Variants in AKNAD1 observed in about 807,000 individuals in gnomAD.
AKNAD1 encodes AKNA domain containing 1.
A neutral mutation model predicts 90.8 loss-of-function variants in AKNAD1; 67 were observed. That is an observed-to-expected ratio of 0.74 (90% CI 0.61 to 0.90). AKNAD1 has a LOEUF of 0.90. Ranked by LOEUF, AKNAD1 falls within the 40% of genes least tolerant of loss-of-function variation. AKNAD1 has a pLI of 0.00. For synonymous variants in AKNAD1, 327 were observed against 341.4 expected (o/e 0.96, Z 0.46); for missense variants, 957 against 975.4 (o/e 0.98, Z 0.25).
chr1:108,817,347 GCTTC>G (rs1300183818), intron 14 of AKNAD1, 170 bp from the exon 15 acceptor site: 1 of 719,324 alleles, frequency 1.4e-6, no homozygotes. Flanking sequence ...CCGCAGCTGG[GCTTC>G]AGAAAATGGT....
intron 13 of AKNAD1, among the ~76,000 whole-genome samples, chr1:108,822,185 C>G (rs1663837455): frequency 6.6e-6 from 1 of 152,188 alleles, no homozygotes; most frequent in Admixed American, 6.5e-5. Flanking sequence ...GTGTACAGAT[C>G]TACAGCTTCC....
chr1:108,835,174 C>A, intron 7 of AKNAD1, 118 bp from the exon 8 acceptor site: 1 of 1,172,228 alleles, frequency 8.5e-7, no homozygotes, highest in Non-Finnish European at 1.2e-6. Flanking sequence ...GCCTGGCGTC[C>A]CCCCACCCCT....
chr1:108,848,743 A>C lies in AKNAD1; in HGVS notation c.1245+9T>G. 6.2e-7 allele frequency: 1 copy of C among 1,602,236 alleles called. No homozygotes were observed. Among genetic ancestry groups the C allele is most frequent in the Non-Finnish European group, 8.5e-7 (1 of 1,176,896 alleles). On this transcript the variant is annotated intron_variant, in intron 5 of 15. Transcript: ENST00000370001. ...ATCAAGATTTTAAAAACGGGATAAA[A>C]TTCATTACCAGCTTCTTGTCTTGCA...
At chr1:108,826,269 G>T (rs1663993227) in intron 11 of AKNAD1, among the ~76,000 whole-genome samples, 1 of 151,698 alleles carries the variant, frequency 6.6e-6, no homozygotes, top group South Asian at 2.1e-4. Flanking sequence ...GAAAGCCTGG[G>T]TAGCTCTCCA....
chr1:108,827,331 AC>A (rs1354760617), intron 10 of AKNAD1, 29 bp from the exon 11 acceptor site: 3 of 1,504,582 alleles, frequency 2.0e-6, no homozygotes, highest in Non-Finnish European at 2.8e-6. Context: ...GATCCTGTAA[AC>A]TTTTAGTGCA....
intron 2 of AKNAD1, among the ~76,000 whole-genome samples, chr1:108,850,582 A>AG (rs1312892478): frequency 6.6e-6 from 1 of 152,080 alleles, no homozygotes; most frequent in East Asian, 1.9e-4. Flanking sequence ...CAAACTCCCC[A>AG]GGCATTCAGT....
At chr1:108,838,517 G>A (rs1664448780) in intron 6 of AKNAD1, among the ~76,000 whole-genome samples, 1 of 151,920 alleles carries the variant, frequency 6.6e-6, no homozygotes, top group African/African-American at 2.4e-5. Context: ...ATTATTGGGG[G>A]AAAAAATCAA....
At chr1:108,819,455 CAA>C (rs34501326) in intron 14 of AKNAD1, among the ~76,000 whole-genome samples, 13 of 130,306 alleles carry the variant, frequency 1.0e-4, no homozygotes, top group Admixed American at 1.5e-4. Flanking sequence ...CCATCTCTAC[CAA>C]AAAAAAAAAA....
In AKNAD1 at chr1:108,834,439, G is replaced by A. The variant is rs1427450997; in HGVS notation, c.1746+8C>T. On this transcript the variant is annotated splice_region_variant and intron_variant, in intron 9 of 15. Coordinates refer to ENST00000370001, the MANE Select transcript of AKNAD1 (RefSeq NM_152763.5). Reference sequence around the variant, plus strand: ...GAACCCAGCCAGGCCCCGGCTGCAGGACATTACCCCAGAGTTAGAAGACAG... The same window carrying A: ...GAACCCAGCCAGGCCCCGGCTGCAGAACATTACCCCAGAGTTAGAAGACAG... 1.9e-6 allele frequency: 3 copies of A among 1,604,478 alleles called. No homozygotes were observed. Among genetic ancestry groups the A allele is most frequent in the Non-Finnish European group, 1.7e-6 (2 of 1,175,244 alleles).
chr1:108,854,714 T>C (rs1188073123), intron 1 of AKNAD1, among the ~76,000 whole-genome samples: 2 of 152,202 alleles, frequency 1.3e-5, no homozygotes, highest in African/African-American at 2.4e-5. Flanking sequence ...AAGTGAGGCA[T>C]GTCTTCATGA....
At chr1:108,853,136 C>CTTTTTTTTTTTT (rs889504364) in intron 1 of AKNAD1, among the ~76,000 whole-genome samples, 12 of 133,538 alleles carry the variant, frequency 9.0e-5, no homozygotes, top group East Asian at 2.1e-4. Context: ...TTTCTTTTTT[C>CTTTTTTTTTTTT]TTTTTTTTTT....
intron 5 of AKNAD1, among the ~76,000 whole-genome samples, chr1:108,847,125 C>T (rs2101209482): frequency 6.6e-6 from 1 of 152,230 alleles, no homozygotes; most frequent in South Asian, 2.1e-4. Flanking sequence ...GCCTTGCCCC[C>T]ATGGTGCTTC....
intron 3 of AKNAD1, 85 bp from the exon 4 acceptor site, chr1:108,849,145 A>C (rs1285481824): frequency 1.7e-6 from 2 of 1,180,892 alleles, no homozygotes; most frequent in Non-Finnish European, 1.2e-6. Context: ...AAGCTGTTGC[A>C]GTCACCACCA....
intron 13 of AKNAD1, among the ~76,000 whole-genome samples, chr1:108,822,560 T>C (rs1190182096): frequency 6.6e-6 from 1 of 151,822 alleles, no homozygotes; most frequent in Non-Finnish European, 1.5e-5. Context: ...ACAGCTGAGG[T>C]CAGTCAGGTA....
At chr1:108,850,644 G>A (rs201424810) in intron 2 of AKNAD1, among the ~76,000 whole-genome samples, 11 of 89,312 alleles carry the variant, frequency 1.2e-4, no homozygotes, top group African/African-American at 2.5e-4. Context: ...TTAAAAAAAA[G>A]AGAGAGAGAG....
chr1:108,821,817 C>T (rs1258691310), intron 13 of AKNAD1, among the ~76,000 whole-genome samples: 1 of 146,602 alleles, frequency 6.8e-6, no homozygotes, highest in Non-Finnish European at 1.5e-5. Context: ...TCTCTGTCAC[C>T]AAGGCTCCCT....
rs372767070 is a variant in AKNAD1, at chr1:108,817,073, T to C, written c.2354A>G (p.Asp785Gly). Residue 785 changes from aspartate to glycine, a missense_variant, in exon 15 of 16, where the codon GAT becomes GGT. Transcript: ENST00000370001. Reference sequence around the variant, plus strand: ...CTCAGATTTTATTTCTTCAGTGCTATCAAAGTCACATAAGGATTTGCTTCC... The same window carrying C: ...CTCAGATTTTATTTCTTCAGTGCTACCAAAGTCACATAAGGATTTGCTTCC... ...ISGSKSLCDF[D>G]STEEIKSEIL... 9.3e-6 allele frequency: 15 copies of C among 1,614,174 alleles called. No individual in the cohort carries two copies. In the African/African-American group the frequency reaches 1.2e-4, roughly 13 times the overall value.
chr1:108,829,750 A>C (rs1485923094), intron 10 of AKNAD1, among the ~76,000 whole-genome samples: 1 of 152,140 alleles, frequency 6.6e-6, no homozygotes, highest in African/African-American at 2.4e-5. Context: ...ATTAGAATCC[A>C]TTACGTACAT....
Position 108,827,256 on chromosome 1 carries a change from T to A in AKNAD1, c.1885A>T (p.Arg629Ter). Residue 629 changes from arginine (R) to a stop codon, truncating the protein, a stop_gained, in exon 11 of 16, where the codon AGA (arginine) becomes TGA (stop). Coordinates refer to ENST00000370001, the MANE Select transcript of AKNAD1 (RefSeq NM_152763.5). LOFTEE classifies it high-confidence loss of function. ...TTTTCATGAAGGACAATTGAAAATC[T>A]TCCACAGTTGATCCTTCCGTGGCCC... is the stretch of plus-strand genomic sequence containing the variant. ...KKGHGRINCG[R>*]FSIVLHEKAP... The A allele has an allele frequency of 6.2e-7, 1 of 1,611,952 alleles. No individual in the cohort carries two copies. The highest frequency in any genetic ancestry group is 8.5e-7 in the Non-Finnish European group (1 of 1,179,496).
Sources: gnomAD v4.1 joint callset for allele counts (sites outside exome capture counted in the v4.1 genomes callset) on GRCh38, gnomAD v4.1.1 for gene constraint, MANE v1.5 for transcripts, NCBI Gene and HGNC (gene_info 2026-07-23, HGNC 2026-07-21) for gene names.